Variants in FBRSL1 observed in about 807,000 individuals in gnomAD.
FBRSL1 encodes fibrosin-1-like protein.
In FBRSL1, 51 loss-of-function variants were observed where a neutral mutation model predicts 89.6. That is an observed-to-expected ratio of 0.57 (90% confidence interval 0.45 to 0.72). The LOEUF (loss-of-function observed/expected upper bound fraction) is 0.72. FBRSL1 is among the 30% of genes least tolerant of loss of function. FBRSL1 has a pLI of 0.00. For synonymous variants in FBRSL1, 779 were observed against 681.1 expected, an observed-to-expected ratio of 1.14 and a Z score of -2.24; for missense variants, 1,618 against 1,451.8, an observed-to-expected ratio of 1.11 and a Z score of -1.86.
chr12:132,514,625 A>G (rs975617760), intron 2 of FBRSL1, among the ~76,000 whole-genome samples: 5 of 152,152 alleles, frequency 3.3e-5, no homozygotes, highest in African/African-American at 9.7e-5. Flanking sequence ...GCTGAGCCAC[A>G]GTCCCGGCCA....
chr12:132,511,114 C>T, intron 2 of FBRSL1: 1 of 985,524 alleles, frequency 1.0e-6, no homozygotes, highest in Non-Finnish European at 1.2e-6. Flanking sequence ...TGTCCACCTC[C>T]AGGGCCCCCA....
rs531730661 is a variant in FBRSL1 at position 132,539,584 on chromosome 12, G to A, written c.616-8419G>A. On this transcript the variant is annotated intron_variant, in intron 4 of 18. Transcript: ENST00000680143. ...CCCACCCAGTCCTGCCCTCCAGCCC[G>A]ATGCCCACCCAGTCCTGCCCTCCAG... is the stretch of plus-strand genomic sequence containing the variant. Among the ~76,000 whole-genome samples, 9 of 18,480 alleles carry A rather than the reference G, an allele frequency of 4.9e-4. No individual in the cohort carries two copies. In the South Asian group the frequency reaches 0.021, roughly 43 times the overall value. The allele number at this position is 18,480 out of a possible 152,430, so 12.1% of individuals were successfully genotyped here.
Position 132,584,690 on chromosome 12 carries a change from G to T in FBRSL1, c.*912G>T, listed in dbSNP as rs1381696995. ...CAGCACTCCTGGGCGGCTCCTGTGG[G>T]CTTCAGGACTGGCCGGCTCCAGCCG... On this transcript the variant is annotated 3_prime_UTR_variant, in exon 19 of 19. Coordinates refer to ENST00000680143, the MANE Select transcript of FBRSL1 (RefSeq NM_001367871.1). 6.6e-6 allele frequency: 1 copy of T among 152,360 alleles called. No individual in the cohort carries two copies. The highest frequency in any genetic ancestry group is 2.4e-5 in the African/African-American group (1 of 41,436). 9.4% of individuals were successfully genotyped at this position (152,360 alleles called of 1,614,324 possible). A position where few individuals can be genotyped will look rare whatever the true frequency, so the allele number is the denominator to read the frequency against.
intron 5 of FBRSL1, among the ~76,000 whole-genome samples, chr12:132,548,822 G>A (rs1341744349): frequency 6.6e-6 from 1 of 152,242 alleles, no homozygotes; most frequent in Admixed American, 6.5e-5. Flanking sequence ...CCAGGGGAAT[G>A]GTCACCCCGG....
At chr12:132,577,762 G>C (rs1391720939) in intron 15 of FBRSL1, among the ~76,000 whole-genome samples, 1 of 152,246 alleles carries the variant, frequency 6.6e-6, no homozygotes, top group African/African-American at 2.4e-5. Flanking sequence ...CAGGCCCCCA[G>C]GAGGAAAGTG....
chr12:132,507,469 G>A, intron 1 of FBRSL1: 2 of 973,448 alleles, frequency 2.1e-6, no homozygotes, highest in Non-Finnish European at 2.4e-6. Flanking sequence ...CAGGGCGGAG[G>A]CTGGAGTGTC....
At position 132,582,276 on chromosome 12, in the gene FBRSL1, C is replaced by T. The variant is rs1195673807; in HGVS notation, c.2201+10C>T. 3.9e-6 allele frequency: 6 copies of T among 1,548,792 alleles called. No individual in the cohort carries two copies. The highest frequency in any genetic ancestry group is 5.2e-6 in the Non-Finnish European group (6 of 1,146,014). On this transcript the variant is annotated intron_variant, in intron 18 of 18. Transcript: ENST00000680143. The stretch of plus-strand genomic sequence containing the variant: ...AGGAGGAGCAGGAACGGTGAGTGGC[C>T]CTCTTGTTCCGTATCCCCACCACAC...
At chr12:132,569,510 G>A (rs2039863523) in intron 6 of FBRSL1, among the ~76,000 whole-genome samples, 1 of 152,162 alleles carries the variant, frequency 6.6e-6, no homozygotes, top group Non-Finnish European at 1.5e-5. Context: ...TGAGGCCTAG[G>A]TACACAGGCC....
intron 1 of FBRSL1, among the ~76,000 whole-genome samples, chr12:132,493,078 G>A (rs1466546485): frequency 1.3e-5 from 2 of 152,214 alleles, no homozygotes; most frequent in Non-Finnish European, 2.9e-5. Flanking sequence ...CCACAGATGG[G>A]GACCTTGAGG....
chr12:132,513,665 C>T (rs914384600), intron 2 of FBRSL1, among the ~76,000 whole-genome samples: 2 of 152,078 alleles, frequency 1.3e-5, no homozygotes, highest in South Asian at 2.1e-4. Flanking sequence ...GAGGCCGAGG[C>T]GTGTTCCTGC....
Position 132,583,080 on chromosome 12 carries a change from G to C in FBRSL1, c.2311G>C (p.Gly771Arg). ...GGCCCAGAGCGAGCTGGGCCGGTCCGGGGCCCCCGCGGAGCGCGAGGCCGA... is the reference window on the plus strand; with the variant it reads ...GGCCCAGAGCGAGCTGGGCCGGTCCCGGGCCCCCGCGGAGCGCGAGGCCGA... The part of the protein sequence containing the change: ...LRAQSELGRS[G>R]APAEREAEPR... The change falls in exon 19 of 19, where the codon GGG (glycine) becomes CGG (arginine). Residue 771 changes from glycine to arginine, a missense_variant. By Grantham distance (125) the Gly-to-Arg change is moderately radical (BLOSUM62 -2). Coordinates refer to ENST00000680143, the MANE Select transcript of FBRSL1 (RefSeq NM_001367871.1). 6.9e-7 allele frequency: 1 copy of C among 1,444,540 alleles called. No homozygotes were observed. The highest frequency in any genetic ancestry group is 9.1e-7 in the Non-Finnish European group (1 of 1,102,906). The allele number at this position is 1,444,540 out of a possible 1,614,324, so 89.5% of individuals were successfully genotyped here.
chr12:132,490,620 G>C lies in FBRSL1; in HGVS notation c.50G>C (p.Arg17Pro). The change falls in exon 1 of 19, where the codon CGT becomes CCT. Residue 17 changes from arginine (R) to proline (P), a missense_variant. Transcript: ENST00000680143. ...CGGCGCTCGCGCGCGCAGCGGGACC[G>C]TGGCCGGCGCCGGGAGGCCGCCCGC... ...PSRRSRAQRD[R>P]GRRREAARDA... 4.1e-6 allele frequency: 4 copies of C among 983,610 alleles called. No homozygotes were observed. Among genetic ancestry groups the C allele is most frequent in the Non-Finnish European group, 4.8e-6 (4 of 830,208 alleles). 60.9% of individuals were successfully genotyped at this position (983,610 alleles called of 1,614,324 possible).
chr12:132,506,200 G>C lies in FBRSL1; in HGVS notation c.292-1953G>C, dbSNP rs114763952. Among the ~76,000 whole-genome samples the C allele has an allele frequency of 7.1e-3, 1,088 of 152,258 alleles. 16 individuals carry two copies. The highest frequency in any genetic ancestry group is 0.024 in the African/African-American group (1,016 of 41,542). ...TGTGCTTGGTGTGACTGTGGCCGGG[G>C]TGGGGAGGGAGCTGGAGGGTGGGTC... On this transcript the variant is annotated intron_variant, in intron 1 of 18. Coordinates refer to ENST00000680143, the MANE Select transcript of FBRSL1 (RefSeq NM_001367871.1).
intron 3 of FBRSL1, among the ~76,000 whole-genome samples, chr12:132,526,652 G>A (rs1188569429): frequency 1.3e-5 from 2 of 152,200 alleles, no homozygotes; most frequent in Non-Finnish European, 2.9e-5. Flanking sequence ...AGTGGGGGTT[G>A]TGGATTGATT....
chr12:132,496,984 C>T (rs1053144840), intron 1 of FBRSL1, among the ~76,000 whole-genome samples: 15 of 152,250 alleles, frequency 9.9e-5, no homozygotes, highest in Non-Finnish European at 2.2e-4. Context: ...CCGTGAACTC[C>T]GGACGTGGCC....
intron 4 of FBRSL1, among the ~76,000 whole-genome samples, chr12:132,544,394 A>G (rs1406196431): frequency 1.3e-5 from 2 of 152,170 alleles, no homozygotes; most frequent in Admixed American, 6.5e-5. Flanking sequence ...GGCTACAGGA[A>G]GGCTCACCTT....
chr12:132,568,269 CT>C (rs1324867883), intron 6 of FBRSL1, among the ~76,000 whole-genome samples: 1 of 152,258 alleles, frequency 6.6e-6, no homozygotes, highest in Non-Finnish European at 1.5e-5. Context: ...TGGAACCACC[CT>C]TTTGCTGGGA....
intron 1 of FBRSL1, among the ~76,000 whole-genome samples, chr12:132,492,925 T>C (rs2031324856): frequency 1.3e-5 from 2 of 152,198 alleles, no homozygotes; most frequent in Non-Finnish European, 2.9e-5. Context: ...TTCCCCAAAG[T>C]TCAGATAATT....
chr12:132,569,038 G>A (rs2039826450), intron 6 of FBRSL1, among the ~76,000 whole-genome samples: 1 of 152,122 alleles, frequency 6.6e-6, no homozygotes, highest in Non-Finnish European at 1.5e-5. Context: ...CAGGAGGCAT[G>A]CGGCACGTGG....
Sources: allele counts gnomAD v4.1 joint callset (sites outside exome capture counted in the v4.1 genomes callset), GRCh38; gene constraint gnomAD v4.1.1; transcripts MANE v1.5; gene names NCBI Gene and HGNC (gene_info 2026-07-23, HGNC 2026-07-21).